FANCB: variants seen among roughly 807,000 people sequenced by gnomAD.
FANCB encodes Fanconi anemia group B protein.
Under a neutral mutation model 38.9 loss-of-function variants are expected in FANCB, and 5 were observed. The observed-to-expected ratio is 0.13, with a 90% CI of 0.07 to 0.27. The LOEUF is 0.27. FANCB is among the 10% of genes least tolerant of loss of function. The probability of loss-of-function intolerance (pLI) is 1.00; values close to 1 mark genes in which losing one functional copy is unlikely to be tolerated. For synonymous variants in FANCB, 236 were observed against 215.4 expected (o/e 1.10, Z -0.84); for missense variants, 573 against 602.7 (o/e 0.95, Z 0.52).
chrX:14,775,166 T>G, the FANCB span, among the ~76,000 whole-genome samples: 2 of 69,854 alleles, frequency 2.9e-5, no homozygotes, highest in African/African-American at 1.0e-4. Flanking sequence ...TAATGTTTTT[T>G]TTTTTTTTTT....
the FANCB span, among the ~76,000 whole-genome samples, chrX:14,759,574 T>C: frequency 2.7e-5 from 3 of 111,613 alleles, no homozygotes; most frequent in Admixed American, 2.9e-4. Flanking sequence ...CTTTAGCGTT[T>C]TTAAACAAAA....
At chrX:14,730,368 G>A in the FANCB span, 8 of 1,207,663 alleles carry the variant, frequency 6.6e-6, no homozygotes, top group African/African-American at 3.5e-5. Context: ...TTGTGGACCG[G>A]GCAAAAAGGA....
the FANCB span, among the ~76,000 whole-genome samples, chrX:14,695,467 C>A: frequency 8.9e-6 from 1 of 112,138 alleles, no homozygotes. Context: ...AAATAAAATT[C>A]AAAGCAAAGG....
At chrX:14,835,665 A>C (rs1441823384), downstream of FANCB, among the ~76,000 whole-genome samples, 1 of 111,905 alleles carries the variant, frequency 8.9e-6, no homozygotes, top group African/African-American at 3.3e-5. Flanking sequence ...AGAGAAAAAA[A>C]AGTGACTGAA....
chrX:14,768,548 A>G, the FANCB span, among the ~76,000 whole-genome samples: 1 of 112,285 alleles, frequency 8.9e-6, no homozygotes, highest in Non-Finnish European at 1.9e-5. Flanking sequence ...TAACAGCTTA[A>G]GAAGCTTTTG....
the FANCB span, among the ~76,000 whole-genome samples, chrX:14,697,189 C>A: frequency 8.9e-6 from 1 of 111,970 alleles, no homozygotes; most frequent in East Asian, 2.8e-4. Context: ...CATTTAATCA[C>A]CACTACAACT....
the FANCB span, among the ~76,000 whole-genome samples, chrX:14,733,811 A>G: frequency 8.9e-6 from 1 of 112,000 alleles, no homozygotes; most frequent in Non-Finnish European, 1.9e-5. Context: ...GTCATCTGCA[A>G]ACAGAGACAA....
At chrX:14,783,522 T>C in the FANCB span, among the ~76,000 whole-genome samples, 356 of 112,173 alleles carry the variant, frequency 3.2e-3, 1 homozygote, top group African/African-American at 0.01. Context: ...CAGTTATTGT[T>C]GCTCAGTCAA....
At chrX:14,871,736 A>G (rs891370020) in intron 1 of FANCB, among the ~76,000 whole-genome samples, 2 of 111,586 alleles carry the variant, frequency 1.8e-5, no homozygotes, top group Non-Finnish European at 3.8e-5. Flanking sequence ...ATTTATGTAA[A>G]ACAAATAAAA....
the FANCB span, among the ~76,000 whole-genome samples, chrX:14,700,693 G>A: frequency 1.8e-5 from 2 of 111,036 alleles, no homozygotes; most frequent in African/African-American, 3.3e-5. Context: ...TGGACAGTGA[G>A]GAAGTGAGGA....
the FANCB span, among the ~76,000 whole-genome samples, chrX:14,739,698 G>A: frequency 4.5e-5 from 5 of 111,681 alleles, no homozygotes; most frequent in African/African-American, 9.7e-5. Context: ...TTTCAAAGGC[G>A]TTTATTTTCA....
the FANCB span, among the ~76,000 whole-genome samples, chrX:14,726,974 T>TA: frequency 0.035 from 3,945 of 111,886 alleles, 143 homozygotes; most frequent in African/African-American, 0.11. Context: ...ATTCTGCAGA[T>TA]ACGCAAAGGA....
chrX:14,774,990 G>A, the FANCB span, among the ~76,000 whole-genome samples: 2 of 109,226 alleles, frequency 1.8e-5, no homozygotes, highest in Non-Finnish European at 3.8e-5. Flanking sequence ...CTGCCACAAC[G>A]CCCGGCTAAT....
chrX:14,803,334 T>C, the FANCB span, among the ~76,000 whole-genome samples: 5 of 112,112 alleles, frequency 4.5e-5, no homozygotes. Context: ...TGATTTTTAT[T>C]ACTAGGGACA....
At chrX:14,712,372 C>G in the FANCB span, among the ~76,000 whole-genome samples, 2 of 111,794 alleles carry the variant, frequency 1.8e-5, no homozygotes, top group Non-Finnish European at 3.8e-5. Context: ...AAAAATGACC[C>G]TAGTTGAGAA....
chrX:14,787,658 A>G, the FANCB span, among the ~76,000 whole-genome samples: 1 of 108,330 alleles, frequency 9.2e-6, no homozygotes, highest in African/African-American at 3.4e-5. Context: ...CTAAATATTT[A>G]CAATTATTAT....
the FANCB span, among the ~76,000 whole-genome samples, chrX:14,816,013 G>A: frequency 9.0e-6 from 1 of 111,666 alleles, no homozygotes; most frequent in African/African-American, 3.3e-5. Context: ...ACTACAAGAG[G>A]TGGGAGGTTG....
chrX:14,844,982 T>C lies in FANCB; in HGVS notation c.1801A>G (p.Ile601Val). 1.7e-6 allele frequency: 2 copies of C among 1,207,076 alleles called. No individual in the cohort carries two copies. The highest frequency in any genetic ancestry group is 2.2e-6 in the Non-Finnish European group (2 of 891,820). Residue 601 changes from isoleucine (I) to valine (V), a missense_variant, in exon 8 of 10, where the codon ATT becomes GTT. Coordinates refer to ENST00000650831, the MANE Select transcript of FANCB (RefSeq NM_001018113.3). Reference protein sequence around the residue: ...SKFCCTVLLQIMERESGNCPK... With the variant: ...SKFCCTVLLQVMERESGNCPK... Reference sequence around the variant, plus strand: ...CAGTTACCACTTTCTCTCTCCATAATTTGTAGCAGTACAGTGCAACAAAAT... The same window carrying C: ...CAGTTACCACTTTCTCTCTCCATAACTTGTAGCAGTACAGTGCAACAAAAT...
At chrX:14,830,257 C>T in the FANCB span, among the ~76,000 whole-genome samples, 9 of 111,580 alleles carry the variant, frequency 8.1e-5, no homozygotes, top group South Asian at 7.4e-4. Context: ...CCATAACAGA[C>T]GTACTAATAA....
Sources: gnomAD v4.1 joint callset for allele counts (sites outside exome capture counted in the v4.1 genomes callset) on GRCh38, gnomAD v4.1.1 for gene constraint, MANE v1.5 for transcripts, NCBI Gene and HGNC (gene_info 2026-07-23, HGNC 2026-07-21) for gene names.